The following CMAS variants were observed in gnomAD, a reference collection of about 807,000 sequenced individuals.
CMAS encodes N-acylneuraminate cytidylyltransferase.
CMAS carries 21 observed loss-of-function variants against 53.4 expected under a neutral mutation model. The ratio of observed to expected loss-of-function variants is 0.39; its 90% CI spans 0.28 to 0.57. The LOEUF (loss-of-function observed/expected upper bound fraction) is 0.57. CMAS is among the 20% of genes least tolerant of loss of function. CMAS has a pLI of 0.56. For missense variants in CMAS, 384 were observed against 534.9 expected (o/e 0.72, Z 2.78); for synonymous variants, 189 against 195.2 (o/e 0.97, Z 0.27).
At chr12:22,059,580 T>C (rs974460008) in intron 4 of CMAS, among the ~76,000 whole-genome samples, 1 of 152,152 alleles carries the variant, frequency 6.6e-6, no homozygotes, top group Non-Finnish European at 1.5e-5. Context: ...GAGAAACCTC[T>C]CCATTGTGTA....
In CMAS at chr12:22,058,666, C is replaced by T; in HGVS notation, c.659C>T (p.Ala220Val). Residue 220 changes from alanine (A) to valine (V), a missense_variant, in exon 4 of 8, where the codon GCT becomes GTT. This residue lies in a region of CMAS where 139 missense variants were observed against 248.0 expected (regional missense o/e 0.56). Coordinates refer to ENST00000229329, the MANE Select transcript of CMAS (RefSeq NM_018686.6). ...ELYENGSFYF[A>V]KRHLIEMGYL... ...TATGAAAATGGCTCATTTTATTTTG[C>T]TAAAAGACATTTGATAGAGATGGGT... 6.8e-6 allele frequency: 11 copies of T among 1,613,614 alleles called. No homozygotes were observed. Among genetic ancestry groups the T allele is most frequent in the Non-Finnish European group, 9.3e-6 (11 of 1,179,800 alleles).
At position 22,065,357 on chromosome 12, in the gene CMAS, C is replaced by G. The variant is rs542208860; in HGVS notation, c.*46C>G. The G allele has an allele frequency of 6.8e-7, 1 of 1,478,670 alleles. No homozygotes were observed. Among genetic ancestry groups the G allele is most frequent in the East Asian group, 2.3e-5 (1 of 43,806 alleles). 91.6% of individuals were successfully genotyped at this position (1,478,670 alleles called of 1,614,324 possible). A position where few individuals can be genotyped will look rare whatever the true frequency, so the allele number is the denominator to read the frequency against. ...AAAAAATGATACAGCCTTCTTCAGC[C>G]AGTTTGCTTTTATTTTTGATTAAGT... On this transcript the variant is annotated 3_prime_UTR_variant, in exon 8 of 8. Coordinates refer to ENST00000229329, the MANE Select transcript of CMAS (RefSeq NM_018686.6).
At chr12:22,062,728 A>C (rs373697831) in intron 7 of CMAS, among the ~76,000 whole-genome samples, 34 of 152,176 alleles carry the variant, frequency 2.2e-4, no homozygotes, top group East Asian at 1.7e-3. Flanking sequence ...TAAACTGGAG[A>C]TATCGAGAGT....
intron 7 of CMAS, chr12:22,063,630 T>G (rs555511577): frequency 2.6e-5 from 4 of 151,486 alleles, no homozygotes; most frequent in Non-Finnish European, 5.9e-5. Flanking sequence ...GTAGTGATTA[T>G]CTACAAATAG....
chr12:22,060,735 C>T (rs1950303872), intron 4 of CMAS, 97 bp from the exon 5 acceptor site: 3 of 718,236 alleles, frequency 4.2e-6, no homozygotes, highest in Non-Finnish European at 7.5e-6. Flanking sequence ...TTTCTCAGTA[C>T]TGTAGAAATG....
intron 3 of CMAS, among the ~76,000 whole-genome samples, chr12:22,057,921 G>C (rs1042822761): frequency 1.3e-5 from 2 of 149,552 alleles, no homozygotes; most frequent in African/African-American, 4.9e-5. Context: ...TCCCCCCCCC[G>C]GGTTCAAGCG....
In CMAS at chr12:22,065,430, T is replaced by C. The variant is rs972448971; in HGVS notation, c.*119T>C. 2.7e-6 allele frequency: 2 copies of C among 732,406 alleles called. No individual in the cohort carries two copies. The highest frequency in any genetic ancestry group is 4.5e-6 in the Non-Finnish European group (2 of 449,012). 45.4% of individuals were successfully genotyped at this position (732,406 alleles called of 1,614,324 possible). ...AGAGAGTGTGATTTGGTTTGTGATA[T>C]ATATATATTGTGCTCTACTTTTCTC... On this transcript the variant is annotated 3_prime_UTR_variant, in exon 8 of 8. Coordinates refer to ENST00000229329, the MANE Select transcript of CMAS (RefSeq NM_018686.6).
At chr12:22,053,388 TATACAC>T (rs1182697989) in intron 1 of CMAS, among the ~76,000 whole-genome samples, 1 of 149,818 alleles carries the variant, frequency 6.7e-6, no homozygotes, top group East Asian at 2.0e-4. Flanking sequence ...TATGTATACA[TATACAC>T]ACACACATAT....
chr12:22,053,719 A>G (rs1661339736), intron 1 of CMAS, among the ~76,000 whole-genome samples: 1 of 148,560 alleles, frequency 6.7e-6, no homozygotes, highest in African/African-American at 2.4e-5. Flanking sequence ...TTCTACTAAA[A>G]ATACAAAAAA....
Position 22,065,229 on chromosome 12 carries a change from A to G in CMAS, c.1223A>G (p.Asn408Ser), listed in dbSNP as rs756382670. The G allele has an allele frequency of 6.8e-6, 11 of 1,614,142 alleles. No homozygotes were observed. Among genetic ancestry groups the G allele is most frequent in the South Asian group, 1.1e-5 (1 of 91,082 alleles). ...QKAVGYICKC[N>S]GGRGAIREFA... ...GCTGTTGGATACATTTGCAAATGTA[A>G]TGGTGGCCGTGGTGCCATCCGAGAA... Residue 408 changes from asparagine to serine, a missense_variant, in exon 8 of 8, where the codon AAT becomes AGT. By Grantham distance (46) the Asn-to-Ser change is conservative. Coordinates refer to ENST00000229329, the MANE Select transcript of CMAS (RefSeq NM_018686.6).
At chr12:22,063,239 G>A (rs895491640) in intron 7 of CMAS, among the ~76,000 whole-genome samples, 1 of 152,150 alleles carries the variant, frequency 6.6e-6, no homozygotes, top group African/African-American at 2.4e-5. Context: ...AGGGTAATAT[G>A]AGCCTCAAAA....
intron 4 of CMAS, among the ~76,000 whole-genome samples, chr12:22,060,214 A>T (rs1950298913): frequency 6.6e-6 from 1 of 151,728 alleles, no homozygotes. Context: ...AACCTGGAGG[A>T]TGTAATATTT....
chr12:22,047,277 T>C (rs1482659784), intron 1 of CMAS, among the ~76,000 whole-genome samples: 2 of 152,192 alleles, frequency 1.3e-5, no homozygotes, highest in Admixed American at 1.3e-4. Context: ...GTAATTTAGA[T>C]ACATTGCCAA....
At chr12:22,051,581 A>G (rs996598754) in intron 1 of CMAS, among the ~76,000 whole-genome samples, 9 of 152,096 alleles carry the variant, frequency 5.9e-5, no homozygotes, top group African/African-American at 2.2e-4. Flanking sequence ...TCACTTGCTC[A>G]TTTTCTCTTT....
chr12:22,051,738 A>G (rs1950240262), intron 1 of CMAS, among the ~76,000 whole-genome samples: 1 of 152,224 alleles, frequency 6.6e-6, no homozygotes. Flanking sequence ...ATAACATACA[A>G]ATTAGACATT....
At chr12:22,051,401 G>A (rs529977259) in intron 1 of CMAS, among the ~76,000 whole-genome samples, 16 of 152,298 alleles carry the variant, frequency 1.1e-4, no homozygotes, top group African/African-American at 3.8e-4. Context: ...ATTAATGAAA[G>A]GCCTATGCTG....
Position 22,046,374 on chromosome 12 carries a change from C to T in CMAS, c.71C>T (p.Pro24Leu). Residue 24 changes from proline to leucine, a missense_variant, in exon 1 of 8, where the codon CCG becomes CTG. By Grantham distance (98) the Pro-to-Leu change is moderately conservative. Coordinates refer to ENST00000229329, the MANE Select transcript of CMAS (RefSeq NM_018686.6). ...NPRGRPSRGR[P>L]PKLQRNSRGG... ...CGGGGGCGACCGTCCCGGGGCCGGCCGCCGAAGCTGCAGCGCAACTCTCGC... is the reference window on the plus strand; with the variant it reads ...CGGGGGCGACCGTCCCGGGGCCGGCTGCCGAAGCTGCAGCGCAACTCTCGC... The T allele has an allele frequency of 6.4e-7, 1 of 1,561,080 alleles. No individual in the cohort carries two copies. The highest frequency in any genetic ancestry group is 8.7e-7 in the Non-Finnish European group (1 of 1,154,250).
chr12:22,052,945 A>G (rs1463744307), intron 1 of CMAS, among the ~76,000 whole-genome samples: 1 of 152,160 alleles, frequency 6.6e-6, no homozygotes, highest in Non-Finnish European at 1.5e-5. Context: ...GGGATGTTAG[A>G]AGATTTTCTT....
At position 22,060,942 on chromosome 12, in the gene CMAS, C is replaced by A. The variant is rs561373196; in HGVS notation, c.788+16C>A. The A allele has an allele frequency of 2.2e-6, 3 of 1,347,410 alleles. No homozygotes were observed. Among genetic ancestry groups the A allele is most frequent in the Admixed American group, 1.7e-5 (1 of 59,382 alleles). The allele number at this position is 1,347,410 out of a possible 1,614,324, so 83.5% of individuals were successfully genotyped here. On this transcript the variant is annotated intron_variant, in intron 5 of 7. Transcript: ENST00000229329. ...GAGTATTAAGGTAAAAACAAATAAA[C>A]CTTTATAACCTTTGTACTAAATCTT... is the stretch of plus-strand genomic sequence containing the variant.
Sources: allele counts gnomAD v4.1 joint callset (sites outside exome capture counted in the v4.1 genomes callset), GRCh38; gene constraint gnomAD v4.1.1; regional missense constraint gnomAD v4.1.1; transcripts MANE v1.5; gene names NCBI Gene and HGNC (gene_info 2026-07-23, HGNC 2026-07-21).